MAML3: variants seen among roughly 807,000 people sequenced by gnomAD.
The protein encoded by MAML3 is mastermind like transcriptional coactivator 3, also known as mastermind-like protein 3.
A neutral mutation model predicts 101.9 loss-of-function variants in MAML3; 27 were observed. The ratio of observed to expected loss-of-function variants is 0.27; its 90% CI spans 0.20 to 0.37. MAML3 has a LOEUF of 0.37. Ranked by LOEUF, MAML3 falls within the 10% of genes least tolerant of loss-of-function variation. The pLI, the probability that MAML3 is intolerant of heterozygous loss-of-function variation, is 1.00. For missense variants in MAML3, 1,316 were observed against 1,444.9 expected, an observed-to-expected ratio of 0.91 and a Z score of 1.45; for synonymous variants, 501 against 555.9, an observed-to-expected ratio of 0.90 and a Z score of 1.39.
intron 2 of MAML3, among the ~76,000 whole-genome samples, chr4:139,858,222 G>C (rs1282979590): frequency 6.6e-6 from 1 of 152,174 alleles, no homozygotes; most frequent in Non-Finnish European, 1.5e-5. Flanking sequence ...CACAGTAATT[G>C]GTGTGCTTTA....
chr4:139,772,036 C>G (rs6810777), intron 2 of MAML3, among the ~76,000 whole-genome samples: 3,112 of 151,144 alleles, frequency 0.021, 60 homozygotes, highest in African/African-American at 0.055. Context: ...TCAGCAGATC[C>G]AGACCATCCT....
chr4:139,794,975 T>A (rs549136909), intron 2 of MAML3, among the ~76,000 whole-genome samples: 108 of 152,224 alleles, frequency 7.1e-4, no homozygotes, highest in Non-Finnish European at 1.2e-3. Context: ...GGAAAAAAAA[T>A]CACTGTGCCT....
intron 1 of MAML3, among the ~76,000 whole-genome samples, chr4:139,924,618 A>T (rs552710765): frequency 6.7e-6 from 1 of 150,226 alleles, no homozygotes; most frequent in Non-Finnish European, 1.5e-5. Flanking sequence ...GGAGTCAGGT[A>T]TACTAAAGTG....
intron 2 of MAML3, among the ~76,000 whole-genome samples, chr4:139,775,592 G>A (rs1730078205): frequency 6.6e-6 from 1 of 152,114 alleles, no homozygotes; most frequent in Admixed American, 6.5e-5. Flanking sequence ...CATGAGCTGT[G>A]GGCCCGGAAA....
chr4:140,083,329 A>G (rs1340523001), intron 1 of MAML3, among the ~76,000 whole-genome samples: 1 of 152,184 alleles, frequency 6.6e-6, no homozygotes, highest in East Asian at 1.9e-4. Context: ...CTACTTTTAC[A>G]CATATAACTA....
chr4:140,048,415 G>T (rs1460744014), intron 1 of MAML3, among the ~76,000 whole-genome samples: 2 of 152,148 alleles, frequency 1.3e-5, no homozygotes, highest in Non-Finnish European at 2.9e-5. Context: ...AACCTACTGG[G>T]CATAGAACTG....
intron 1 of MAML3, among the ~76,000 whole-genome samples, chr4:140,025,749 TC>T (rs1249748811): frequency 5.9e-5 from 9 of 152,174 alleles, no homozygotes; most frequent in African/African-American, 9.7e-5. Flanking sequence ...ACTTTCGACT[TC>T]ATCTAGAAGT....
At chr4:139,818,772 C>T (rs1328344340) in intron 2 of MAML3, among the ~76,000 whole-genome samples, 1 of 152,122 alleles carries the variant, frequency 6.6e-6, no homozygotes, top group Non-Finnish European at 1.5e-5. Flanking sequence ...AGCAAATACC[C>T]CAAAACATTC....
intron 1 of MAML3, among the ~76,000 whole-genome samples, chr4:140,122,519 G>A (rs1728622453): frequency 6.6e-6 from 1 of 152,102 alleles, no homozygotes; most frequent in African/African-American, 2.4e-5. Context: ...TGGGCCGGGC[G>A]CGGTGGCTCA....
chr4:140,067,241 CAG>C (rs1197420963), intron 1 of MAML3, among the ~76,000 whole-genome samples: 1 of 151,248 alleles, frequency 6.6e-6, no homozygotes, highest in Non-Finnish European at 1.5e-5. Context: ...GAGAAAGAAA[CAG>C]AGAGAGAATA....
intron 1 of MAML3, among the ~76,000 whole-genome samples, chr4:140,090,880 G>A (rs985934212): frequency 7.9e-5 from 12 of 152,078 alleles, no homozygotes; most frequent in African/African-American, 1.2e-4. Flanking sequence ...GTGAAACACC[G>A]TCTCTACTTA....
At chr4:140,041,015 TTTG>T (rs2110907672) in intron 1 of MAML3, among the ~76,000 whole-genome samples, 1 of 152,250 alleles carries the variant, frequency 6.6e-6, no homozygotes, top group Admixed American at 6.5e-5. Flanking sequence ...AAGGAATCAT[TTTG>T]TTGTTTGACA....
intron 2 of MAML3, among the ~76,000 whole-genome samples, chr4:139,832,356 C>A (rs1000319867): frequency 2.0e-5 from 3 of 151,666 alleles, no homozygotes; most frequent in African/African-American, 7.3e-5. Flanking sequence ...AGGTGATCCA[C>A]CTGCCTCAGC....
At chr4:140,017,139 A>C (rs1483341189) in intron 1 of MAML3, among the ~76,000 whole-genome samples, 1 of 152,242 alleles carries the variant, frequency 6.6e-6, no homozygotes, top group Non-Finnish European at 1.5e-5. Context: ...TATGGGCAAA[A>C]GACTTGAACA....
At chr4:140,010,713 T>G (rs1436490790) in intron 1 of MAML3, among the ~76,000 whole-genome samples, 1 of 152,172 alleles carries the variant, frequency 6.6e-6, no homozygotes, top group Middle Eastern at 3.4e-3. Context: ...ACAAAAAAAA[T>G]GCCAAAATAT....
At chr4:140,066,851 A>G (rs1247484990) in intron 1 of MAML3, among the ~76,000 whole-genome samples, 1 of 152,194 alleles carries the variant, frequency 6.6e-6, no homozygotes, top group African/African-American at 2.4e-5. Flanking sequence ...ATCAGTTTGA[A>G]CCTAATATCT....
chr4:140,118,552 A>T (rs1224374436), intron 1 of MAML3, among the ~76,000 whole-genome samples: 1 of 152,102 alleles, frequency 6.6e-6, no homozygotes, highest in Non-Finnish European at 1.5e-5. Flanking sequence ...ATAACATTGA[A>T]AATATTTTGG....
chr4:140,082,697 C>T (rs531497790), intron 1 of MAML3, among the ~76,000 whole-genome samples: 5 of 152,112 alleles, frequency 3.3e-5, no homozygotes, highest in Admixed American at 6.5e-5. Flanking sequence ...AAGGCACCAA[C>T]GCACCCCCAC....
chr4:139,930,122 C>T (rs1313785618), intron 1 of MAML3, among the ~76,000 whole-genome samples: 1 of 152,190 alleles, frequency 6.6e-6, no homozygotes, highest in Non-Finnish European at 1.5e-5. Context: ...ACAATTCCCA[C>T]AGAATTATAG....
Sources: gnomAD v4.1 joint callset for allele counts (sites outside exome capture counted in the v4.1 genomes callset) on GRCh38, gnomAD v4.1.1 for gene constraint, MANE v1.5 for transcripts, NCBI Gene and HGNC (gene_info 2026-07-23, HGNC 2026-07-21) for gene names.